The following KDM5B variants were observed in gnomAD, a reference collection of about 807,000 sequenced individuals.
KDM5B encodes the protein lysine demethylase 5B.
Under a neutral mutation model 193.4 loss-of-function variants are expected in KDM5B, and 144 were observed. The ratio of observed to expected loss-of-function variants is 0.74; its 90% CI spans 0.65 to 0.86. The LOEUF (loss-of-function observed/expected upper bound fraction) is 0.86, where lower values mean the gene tolerates loss of function less well. KDM5B is among the 40% of genes least tolerant of loss of function. KDM5B has a pLI of 0.00. For synonymous variants in KDM5B, 668 were observed against 682.6 expected (o/e 0.98, Z 0.33); for missense variants, 1,833 against 1,886.9 (o/e 0.97, Z 0.53).
chr1:202,762,832 G>C, intron 6 of KDM5B, 24 bp from the exon 7 acceptor site: 1 of 1,280,822 alleles, frequency 7.8e-7, no homozygotes, highest in South Asian at 1.2e-5. Flanking sequence ...TCCAAAATTA[G>C]CTCTTTATGA....
chr1:202,728,818 A>T lies in KDM5B; in HGVS notation c.*218T>A. 1 of 504,452 alleles carries T rather than the reference A, an allele frequency of 2.0e-6. No homozygotes were observed. The highest frequency in any genetic ancestry group is 3.5e-6 in the Non-Finnish European group (1 of 289,836). The allele number at this position is 504,452 out of a possible 1,614,324, so 31.2% of individuals were successfully genotyped here. A position where few individuals can be genotyped will look rare whatever the true frequency, so the allele number is the denominator to read the frequency against. On this transcript the variant is annotated 3_prime_UTR_variant, in exon 27 of 27. Transcript: ENST00000367265. ...TTTTCAAACCTCAACAACCACAAAT[A>T]GCTCTTAAGGAAAAAATACAAAAAG... is the stretch of plus-strand genomic sequence containing the variant.
chr1:202,776,207 G>A (rs1656948261), intron 2 of KDM5B: 1 of 152,014 alleles, frequency 6.6e-6, no homozygotes, highest in Admixed American at 6.6e-5. Flanking sequence ...TCCACCCTGG[G>A]TGACAGAGCG....
At chr1:202,777,931 T>C (rs1657030196) in intron 1 of KDM5B, among the ~76,000 whole-genome samples, 1 of 152,056 alleles carries the variant, frequency 6.6e-6, no homozygotes. Context: ...TCCTAGCACT[T>C]TGGGAGGCCA....
At chr1:202,748,285 A>C (rs981373819) in intron 14 of KDM5B, among the ~76,000 whole-genome samples, 2 of 152,200 alleles carry the variant, frequency 1.3e-5, no homozygotes, top group African/African-American at 4.8e-5. Flanking sequence ...GTAAAACTTC[A>C]AACTATGAAA....
intron 25 of KDM5B, 144 bp downstream of exon 25, chr1:202,730,765 A>G (rs1424801630): frequency 1.4e-6 from 1 of 700,294 alleles, no homozygotes; most frequent in Admixed American, 3.1e-5. Context: ...AGTATCCTTC[A>G]ACTAAGTCAG....
chr1:202,731,295 C>T (rs71635591), intron 24 of KDM5B, among the ~76,000 whole-genome samples: 8,305 of 152,270 alleles, frequency 0.055, 334 homozygotes, highest in Middle Eastern at 0.13. Context: ...ATTAATTATA[C>T]ACTGAATCCT....
intron 20 of KDM5B, among the ~76,000 whole-genome samples, chr1:202,738,513 A>G (rs556007998): frequency 9.2e-5 from 14 of 152,320 alleles, no homozygotes; most frequent in South Asian, 4.1e-4. Context: ...CTCAAACAAT[A>G]TATCTTCTTT....
rs550995147 is a variant in KDM5B, at chr1:202,746,410, A to G, written c.2017-87T>C. ...AAACATGCAGTAGTACTTGAGTCTG[A>G]AAAAAAAAAAAAAGCTTTACCAAAA... On this transcript the variant is annotated intron_variant, in intron 14 of 26. Transcript: ENST00000367265. 97 of 192,234 alleles carry G rather than the reference A, an allele frequency of 5.0e-4. 1 individual carries two copies. Among genetic ancestry groups the G allele is most frequent in the East Asian group, 1.7e-3 (10 of 5,878 alleles). 11.9% of individuals were successfully genotyped at this position (192,234 alleles called of 1,614,324 possible). A position where few individuals can be genotyped will look rare whatever the true frequency, so the allele number is the denominator to read the frequency against.
In KDM5B at chr1:202,726,452, A is replaced by G. The variant is rs1654676646; in HGVS notation, c.*2584T>C. The G allele has an allele frequency of 6.6e-6, 1 of 152,206 alleles. No individual in the cohort carries two copies. Among genetic ancestry groups the G allele is most frequent in the Non-Finnish European group, 1.5e-5 (1 of 68,038 alleles). 9.4% of individuals were successfully genotyped at this position (152,206 alleles called of 1,614,324 possible). A position where few individuals can be genotyped will look rare whatever the true frequency, so the allele number is the denominator to read the frequency against. On this transcript the variant is annotated 3_prime_UTR_variant, in exon 27 of 27. Coordinates refer to ENST00000367265, the MANE Select transcript of KDM5B (RefSeq NM_006618.5). The stretch of plus-strand genomic sequence containing the variant: ...AGAAATCCCCCAAAGTCTAATCTGG[A>G]AGGAAAAACAAAAAACAAACAGTAT...
chr1:202,738,520 C>CT (rs1655181084), intron 20 of KDM5B, among the ~76,000 whole-genome samples: 1 of 152,228 alleles, frequency 6.6e-6, no homozygotes. Flanking sequence ...AATATATCTT[C>CT]TTTTCCCTAT....
chr1:202,807,293 G>C (rs375556652), intron 1 of KDM5B: 1 of 152,596 alleles, frequency 6.6e-6, no homozygotes, highest in East Asian at 1.9e-4. Context: ...GAAGAAGCCG[G>C]GAGTGTGCGC....
chr1:202,731,485 A>C (rs928968427), intron 24 of KDM5B, among the ~76,000 whole-genome samples: 2 of 152,214 alleles, frequency 1.3e-5, no homozygotes. Flanking sequence ...GGACTCTAGC[A>C]AATGTGGATT....
chr1:202,780,788 T>A (rs1214574354), intron 1 of KDM5B, among the ~76,000 whole-genome samples: 28 of 129,232 alleles, frequency 2.2e-4, no homozygotes, highest in South Asian at 4.8e-4. Context: ...TTGCCATTAC[T>A]AAAAAAAAAA....
In KDM5B at chr1:202,789,379, G is replaced by T. The variant is rs1214880566; in HGVS notation, c.205-12285C>A. Among the ~76,000 whole-genome samples, 4 of 151,138 alleles carry T rather than the reference G, an allele frequency of 2.6e-5. No homozygotes were observed. In the East Asian group the frequency reaches 8.0e-4, roughly 30 times the overall value. On this transcript the variant is annotated intron_variant, in intron 1 of 26. Transcript: ENST00000367265. ...CTACTGAAAATACAAAAACTAGCGG[G>T]ACGCGGTGGTGGGCGCCTATAATCC... is the stretch of plus-strand genomic sequence containing the variant.
chr1:202,760,507 C>T lies in KDM5B; in HGVS notation c.985G>A (p.Gly329Ser). 6.2e-7 allele frequency: 1 copy of T among 1,613,270 alleles called. No individual in the cohort carries two copies. The highest frequency in any genetic ancestry group is 2.2e-5 in the East Asian group (1 of 44,812). ...NDEDRLLLCD[G>S]CDDSYHTFCL... Reference sequence around the variant, plus strand: ...AAGGTATGGTAACTGTCATCACAGCCATCACACAACAGTAGCCGGTCTTCA... The same window carrying T: ...AAGGTATGGTAACTGTCATCACAGCTATCACACAACAGTAGCCGGTCTTCA... Residue 329 changes from glycine (G) to serine (S), a missense_variant, in exon 8 of 27, where the codon GGC becomes AGC. Around this residue, in one of 3 missense-constraint regions of KDM5B, gnomAD observed 99 missense variants for 162.4 expected, o/e 0.61. Transcript: ENST00000367265.
chr1:202,753,664 G>GTTGTTTTT (rs1553354252), intron 11 of KDM5B, among the ~76,000 whole-genome samples: 5 of 105,786 alleles, frequency 4.7e-5, no homozygotes, highest in Admixed American at 1.2e-4. Context: ...TGTTGTTGTT[G>GTTGTTTTT]TTTTTTTTTT....
intron 1 of KDM5B, among the ~76,000 whole-genome samples, chr1:202,804,045 C>T (rs893706402): frequency 6.6e-6 from 1 of 151,478 alleles, no homozygotes; most frequent in Non-Finnish European, 1.5e-5. Context: ...AACAAACCTG[C>T]ACGTTGTACA....
intron 16 of KDM5B, 93 bp from the exon 17 acceptor site, chr1:202,742,898 G>T: frequency 9.9e-7 from 1 of 1,006,024 alleles, no homozygotes; most frequent in Non-Finnish European, 1.5e-6. Flanking sequence ...GTCAGTTCTT[G>T]TCTAGAAATG....
At position 202,735,521 on chromosome 1, in the gene KDM5B, G is replaced by T. The variant is rs1414282328; in HGVS notation, c.3331C>A (p.Pro1111Thr). 1 of 1,613,728 alleles carries T rather than the reference G, an allele frequency of 6.2e-7. No individual in the cohort carries two copies. The highest frequency in any genetic ancestry group is 8.5e-7 in the Non-Finnish European group (1 of 1,179,820). The change falls in exon 22 of 27, where the codon CCC becomes ACC. Residue 1111 changes from proline (P) to threonine (T), a missense_variant. By Grantham distance (38) the Pro-to-Thr change is conservative. Coordinates refer to ENST00000367265, the MANE Select transcript of KDM5B (RefSeq NM_006618.5). ...LKRKQRKLKEPLPNGKKKSTK... is the reference protein window; with the variant it reads ...LKRKQRKLKETLPNGKKKSTK... ...CTTTTTTTCTTTCCATTTGGCAAGG[G>T]CTCCTTTAACTTTCTCTGCTTCCTT...
Sources: gnomAD v4.1 joint callset for allele counts (sites outside exome capture counted in the v4.1 genomes callset) on GRCh38, gnomAD v4.1.1 for gene constraint, gnomAD v4.1.1 regional missense constraint, MANE v1.5 for transcripts, NCBI Gene and HGNC (gene_info 2026-07-23, HGNC 2026-07-21) for gene names.